The following PPP2R2B variants were observed in gnomAD, a reference collection of about 807,000 sequenced individuals.
The protein encoded by PPP2R2B is protein phosphatase 2 regulatory subunit Bbeta.
In PPP2R2B, 5 loss-of-function variants were observed where a neutral mutation model predicts 46.0. The ratio of observed to expected loss-of-function variants is 0.11; its 90% CI spans 0.06 to 0.23. PPP2R2B has a LOEUF of 0.23. PPP2R2B is among the 10% of genes least tolerant of loss of function. The pLI is 1.00. For synonymous variants in PPP2R2B, 215 were observed against 206.7 expected (o/e 1.04, Z -0.34); for missense variants, 367 against 575.0 (o/e 0.64, Z 3.70).
At position 146,725,405 on chromosome 5, in the gene PPP2R2B, G is replaced by A. The variant is rs375273794; in HGVS notation, c.71-24263C>T. Among the ~76,000 whole-genome samples the A allele has an allele frequency of 3.9e-5, 6 of 152,084 alleles. No individual in the cohort carries two copies. In the East Asian group the frequency reaches 7.7e-4, roughly 20 times the overall value. On this transcript the variant is annotated intron_variant, in intron 2 of 9. Transcript: ENST00000394411. ...TGTCAGAAGGCTGGAAAAAAAATCC[G>A]TTTCAGAAAAAAATAACCAGCCATA...
chr5:146,901,257 T>A (rs1051080434), intron 1 of PPP2R2B, among the ~76,000 whole-genome samples: 4 of 152,166 alleles, frequency 2.6e-5, no homozygotes, highest in African/African-American at 9.7e-5. Flanking sequence ...CCCAGCACTT[T>A]GGGAGGCTGA....
intron 2 of PPP2R2B, among the ~76,000 whole-genome samples, chr5:146,726,140 G>C (rs1403796350): frequency 6.6e-6 from 1 of 152,134 alleles, no homozygotes; most frequent in African/African-American, 2.4e-5. Flanking sequence ...CATGCCAGAG[G>C]AGGAGGAACA....
intron 7 of PPP2R2B, among the ~76,000 whole-genome samples, chr5:146,606,416 A>C (rs1383332854): frequency 6.6e-6 from 1 of 152,232 alleles, no homozygotes; most frequent in Non-Finnish European, 1.5e-5. Context: ...GCCTGGGTTG[A>C]AACTCCAGCT....
intron 1 of PPP2R2B, among the ~76,000 whole-genome samples, chr5:146,884,196 G>A (rs960149794): frequency 2.3e-4 from 34 of 146,380 alleles, no homozygotes; most frequent in Admixed American, 1.9e-3. Flanking sequence ...CTCTGTTATC[G>A]GTGCAAAGTC....
chr5:146,589,119 C>G lies in PPP2R2B; in HGVS notation c.*828G>C, dbSNP rs1770336443. 6.6e-6 allele frequency: 1 copy of G among 152,098 alleles called. No individual in the cohort carries two copies. Among genetic ancestry groups the G allele is most frequent in the African/African-American group, 2.4e-5 (1 of 41,396 alleles). The allele number at this position is 152,098 out of a possible 1,614,324, so 9.4% of individuals were successfully genotyped here. ...CTGGAAAAGGTTGAAGAGAAAAAAGCCAAGGAACATGTAAGTAGAAGATTA... is the reference window on the plus strand; with the variant it reads ...CTGGAAAAGGTTGAAGAGAAAAAAGGCAAGGAACATGTAAGTAGAAGATTA... On this transcript the variant is annotated 3_prime_UTR_variant, in exon 10 of 10. Transcript: ENST00000394411.
At chr5:146,931,007 T>C (rs921889603) in intron 1 of PPP2R2B, among the ~76,000 whole-genome samples, 4 of 152,150 alleles carry the variant, frequency 2.6e-5, no homozygotes, top group Non-Finnish European at 5.9e-5. Flanking sequence ...AAATTCTCAC[T>C]GGTGTTCCAG....
At chr5:147,029,686 C>T (rs1755688000) in intron 1 of PPP2R2B, among the ~76,000 whole-genome samples, 1 of 152,060 alleles carries the variant, frequency 6.6e-6, no homozygotes, top group African/African-American at 2.4e-5. Flanking sequence ...AAGTGAGGTC[C>T]TGATGCAATA....
At chr5:146,638,087 T>C (rs2151078425) in intron 7 of PPP2R2B, among the ~76,000 whole-genome samples, 164 bp downstream of exon 7, 1 of 152,370 alleles carries the variant, frequency 6.6e-6, no homozygotes, top group Admixed American at 6.5e-5. Context: ...CGAACACAAA[T>C]GTTCATCTTT....
intron 2 of PPP2R2B, among the ~76,000 whole-genome samples, chr5:146,736,182 G>C (rs1475616021): frequency 2.0e-5 from 3 of 152,170 alleles, no homozygotes; most frequent in Non-Finnish European, 4.4e-5. Flanking sequence ...ATGTGAAGAA[G>C]GATGTGTTTG....
intron 1 of PPP2R2B, among the ~76,000 whole-genome samples, chr5:146,924,965 A>T: frequency 6.6e-6 from 1 of 152,132 alleles, no homozygotes; most frequent in Admixed American, 6.5e-5. Context: ...TTGGTTCACC[A>T]TATGCGTTTT....
rs1267513157 is a variant in PPP2R2B, at chr5:146,624,096, CT to C, written c.790+14154del. Among the ~76,000 whole-genome samples, 3 of 152,252 alleles carry C rather than the reference CT, an allele frequency of 2.0e-5. No individual in the cohort carries two copies. In the East Asian group the frequency reaches 5.8e-4, roughly 29 times the overall value. On this transcript the variant is annotated intron_variant, in intron 7 of 9. Transcript: ENST00000394411. ...AACCAATCATTGTCAGTGTTTCAGA[CT>C]TAATGTTTTCTAAACCCTGATTTCC...
At chr5:146,698,723 T>C (rs996701129) in intron 3 of PPP2R2B, among the ~76,000 whole-genome samples, 23 of 151,952 alleles carry the variant, frequency 1.5e-4, no homozygotes, top group Admixed American at 4.6e-4. Flanking sequence ...AGGAGCAGAT[T>C]TGGGCATCAG....
chr5:146,777,017 A>G (rs1394261764), intron 2 of PPP2R2B, among the ~76,000 whole-genome samples: 1 of 152,124 alleles, frequency 6.6e-6, no homozygotes, highest in Non-Finnish European at 1.5e-5. Context: ...GGATGTGGAA[A>G]AATTGGAATC....
intron 1 of PPP2R2B, among the ~76,000 whole-genome samples, chr5:146,944,436 T>A (rs951934764): frequency 5.9e-5 from 9 of 152,200 alleles, no homozygotes; most frequent in African/African-American, 2.2e-4. Flanking sequence ...CCAAACGATT[T>A]GAAAGGTTCA....
rs572233250 is a variant in PPP2R2B, at chr5:146,939,628, G to C, written c.79+116037C>G. The stretch of plus-strand genomic sequence containing the variant: ...CACTGACTATATCTATTTATGAGGT[G>C]AACTGGACCTCCTGCTTCATAGAGG... On this transcript the variant is annotated intron_variant, in intron 1 of 8. Transcript: ENST00000336640. Among the ~76,000 whole-genome samples the C allele has an allele frequency of 9.8e-5, 15 of 152,288 alleles. No homozygotes were observed. The South Asian group carries it at 2.9e-3, about 29-fold the overall frequency.
At chr5:146,997,395 G>C (rs1753972539) in intron 1 of PPP2R2B, among the ~76,000 whole-genome samples, 1 of 152,164 alleles carries the variant, frequency 6.6e-6, no homozygotes, top group African/African-American at 2.4e-5. Context: ...GCCTGCACAA[G>C]GCAGTAAGCC....
At chr5:146,845,897 A>G (rs925086487) in intron 2 of PPP2R2B, among the ~76,000 whole-genome samples, 2 of 152,200 alleles carry the variant, frequency 1.3e-5, no homozygotes, top group Non-Finnish European at 2.9e-5. Flanking sequence ...TGTGCAACAC[A>G]GTAGCCACTA....
chr5:146,608,874 A>G (rs1772563273), intron 7 of PPP2R2B, among the ~76,000 whole-genome samples: 1 of 152,222 alleles, frequency 6.6e-6, no homozygotes, highest in African/African-American at 2.4e-5. Context: ...ACTAATGTCA[A>G]TTCTACTCCA....
intron 4 of PPP2R2B, 43 bp downstream of exon 4, chr5:146,697,936 G>A (rs1349312214): frequency 6.4e-7 from 1 of 1,563,912 alleles, no homozygotes; most frequent in Admixed American, 1.8e-5. Flanking sequence ...ATATAGTTTG[G>A]CCGACTGTAT....
Sources: allele counts gnomAD v4.1 joint callset (sites outside exome capture counted in the v4.1 genomes callset), GRCh38; gene constraint gnomAD v4.1.1; transcripts MANE v1.5; gene names NCBI Gene and HGNC (gene_info 2026-07-23, HGNC 2026-07-21).